The following MITF variants were observed in gnomAD, a reference collection of about 807,000 sequenced individuals.
The protein encoded by MITF is melanocyte inducing transcription factor, also known as microphthalmia-associated transcription factor.
Under a neutral mutation model 60.5 loss-of-function variants are expected in MITF, and 17 were observed. The ratio of observed to expected loss-of-function variants is 0.28; its 90% confidence interval spans 0.19 to 0.42. The LOEUF (loss-of-function observed/expected upper bound fraction) is 0.42, where lower values mean the gene tolerates loss of function less well. Ranked by LOEUF, MITF falls within the 10% of genes least tolerant of loss-of-function variation. MITF has a pLI of 1.00. For synonymous variants in MITF, 260 were observed against 248.5 expected (o/e 1.05, Z -0.43); for missense variants, 622 against 683.5 (o/e 0.91, Z 1.00).
chr3:69,846,305 C>T (rs957171248), intron 1 of MITF, among the ~76,000 whole-genome samples: 9 of 152,140 alleles, frequency 5.9e-5, no homozygotes, highest in Middle Eastern at 3.2e-3. Flanking sequence ...TTAGACATGA[C>T]TTTTATTTCA....
chr3:69,784,544 T>C (rs889620079), intron 1 of MITF, among the ~76,000 whole-genome samples: 6 of 152,186 alleles, frequency 3.9e-5, no homozygotes, highest in Non-Finnish European at 5.9e-5. Context: ...GAAGCTTTAA[T>C]GGATTTTTAA....
intron 2 of MITF, among the ~76,000 whole-genome samples, chr3:69,911,882 T>C (rs2065232588): frequency 6.6e-6 from 1 of 152,176 alleles, no homozygotes; most frequent in South Asian, 2.1e-4. Flanking sequence ...AAGTTTCCAG[T>C]GTGTGCAACC....
At chr3:69,745,180 G>A (rs1018370499) in intron 1 of MITF, among the ~76,000 whole-genome samples, 3 of 152,172 alleles carry the variant, frequency 2.0e-5, no homozygotes, top group South Asian at 2.1e-4. Context: ...AACCTTGGGT[G>A]TATGTAATAG....
At chr3:69,925,705 A>G (rs1362372605) in intron 2 of MITF, among the ~76,000 whole-genome samples, 2 of 152,164 alleles carry the variant, frequency 1.3e-5, no homozygotes, top group Non-Finnish European at 2.9e-5. Context: ...TCAGTACTCC[A>G]AAAGTGCTGG....
At chr3:69,950,386 G>GA (rs75960367) in intron 6 of MITF, among the ~76,000 whole-genome samples, 3 of 141,752 alleles carry the variant, frequency 2.1e-5, no homozygotes, top group South Asian at 2.2e-4. Flanking sequence ...TCTGTGTGAG[G>GA]AAAAAAAAAC....
chr3:69,868,061 C>T (rs989808189), intron 1 of MITF, among the ~76,000 whole-genome samples: 2 of 152,112 alleles, frequency 1.3e-5, no homozygotes, highest in African/African-American at 4.8e-5. Context: ...TTTTGGCTCC[C>T]TAGAAAGTAA....
intron 1 of MITF, among the ~76,000 whole-genome samples, chr3:69,860,681 A>T (rs931466944): frequency 6.6e-6 from 1 of 152,096 alleles, no homozygotes; most frequent in South Asian, 2.1e-4. Flanking sequence ...TCCTCTGGAC[A>T]GATTCTTTGA....
At chr3:69,847,919 C>T (rs62253173) in intron 1 of MITF, among the ~76,000 whole-genome samples, 46,929 of 152,192 alleles carry the variant, frequency 0.31, 8,741 homozygotes, top group Non-Finnish European at 0.42. Flanking sequence ...CCACATGCTT[C>T]ATAGCCTAAG....
intron 2 of MITF, among the ~76,000 whole-genome samples, chr3:69,910,593 T>G (rs1343626996): frequency 1.3e-5 from 2 of 152,188 alleles, no homozygotes; most frequent in African/African-American, 4.8e-5. Flanking sequence ...CCCAAGACCA[T>G]AGGAACCCAC....
In MITF at chr3:69,967,292, A is replaced by G. The variant is rs977948114; in HGVS notation, c.*2044A>G. 7 of 232,142 alleles carry G rather than the reference A, an allele frequency of 3.0e-5. No individual in the cohort carries two copies. The highest frequency in any genetic ancestry group is 6.0e-5 in the Non-Finnish European group (7 of 117,182). The allele number at this position is 232,142 out of a possible 1,614,324, so 14.4% of individuals were successfully genotyped here. On this transcript the variant is annotated 3_prime_UTR_variant, in exon 10 of 10. Coordinates refer to ENST00000352241, the MANE Select transcript of MITF (RefSeq NM_001354604.2). The stretch of plus-strand genomic sequence containing the variant: ...CCATTCTTTCAACCCCCTTAACTGT[A>G]TAGCTCTTTTCCTAGAATAGTGACG...
At chr3:69,747,006 G>C (rs533856618) in intron 1 of MITF, among the ~76,000 whole-genome samples, 2 of 152,202 alleles carry the variant, frequency 1.3e-5, no homozygotes, top group Non-Finnish European at 2.9e-5. Flanking sequence ...GCTGTGAAGA[G>C]TAGAGAAGTA....
intron 1 of MITF, among the ~76,000 whole-genome samples, chr3:69,805,762 A>C (rs2062995296): frequency 6.6e-6 from 1 of 151,748 alleles, no homozygotes; most frequent in Non-Finnish European, 1.5e-5. Flanking sequence ...GGCCTCAAGC[A>C]ATCCTCCTGC....
intron 1 of MITF, among the ~76,000 whole-genome samples, chr3:69,768,198 T>C (rs985935812): frequency 6.6e-6 from 1 of 152,226 alleles, no homozygotes; most frequent in Non-Finnish European, 1.5e-5. Context: ...TCCCCTCCTT[T>C]CCTGAAGTTA....
intron 2 of MITF, among the ~76,000 whole-genome samples, chr3:69,915,001 T>C (rs964152771): frequency 5.9e-5 from 9 of 152,296 alleles, no homozygotes; most frequent in African/African-American, 2.2e-4. Flanking sequence ...GGGGGAGATA[T>C]AAAACGTAGT....
rs2064340912 is a variant in MITF at position 69,875,809 on chromosome 3, A to G, written c.105-3325A>G. ...GCAGATTCAGTTACTTCTAAGAGAAAGGGATGTTTAGAAGATTGAGAGCAA... is the reference window on the plus strand; with the variant it reads ...GCAGATTCAGTTACTTCTAAGAGAAGGGGATGTTTAGAAGATTGAGAGCAA... On this transcript the variant is annotated intron_variant, in intron 1 of 9. Coordinates refer to ENST00000352241, the MANE Select transcript of MITF (RefSeq NM_001354604.2). 2.0e-5 allele frequency among the ~76,000 whole-genome samples: 3 copies of G among 152,236 alleles called. No individual in the cohort carries two copies. In the South Asian group the frequency reaches 6.2e-4, roughly 32 times the overall value.
intron 1 of MITF, among the ~76,000 whole-genome samples, chr3:69,853,176 C>T (rs2063854953): frequency 6.6e-6 from 1 of 151,846 alleles, no homozygotes; most frequent in Non-Finnish European, 1.5e-5. Context: ...GTCAGAACAA[C>T]CTAGTAGTCC....
At chr3:69,775,890 A>T (rs2062465811) in intron 1 of MITF, among the ~76,000 whole-genome samples, 1 of 152,236 alleles carries the variant, frequency 6.6e-6, no homozygotes, top group Non-Finnish European at 1.5e-5. Context: ...AATTGTTCAT[A>T]TCAAAAGATG....
chr3:69,855,003 A>G (rs1381915937), intron 1 of MITF, among the ~76,000 whole-genome samples: 2 of 152,146 alleles, frequency 1.3e-5, no homozygotes, highest in Non-Finnish European at 2.9e-5. Flanking sequence ...GACTGTGAAC[A>G]GTGGTATTTT....
chr3:69,859,069 C>T (rs762338132), intron 1 of MITF, among the ~76,000 whole-genome samples: 5 of 152,150 alleles, frequency 3.3e-5, no homozygotes, highest in Non-Finnish European at 5.9e-5. Context: ...AAGTCGAATG[C>T]CTTACCCAGA....
Sources: allele counts gnomAD v4.1 joint callset (sites outside exome capture counted in the v4.1 genomes callset), GRCh38; gene constraint gnomAD v4.1.1; transcripts MANE v1.5; gene names NCBI Gene and HGNC (gene_info 2026-07-23, HGNC 2026-07-21).